Variants in YPEL2 observed in about 807,000 individuals in gnomAD.
YPEL2 encodes the protein protein yippee-like 2.
A neutral mutation model predicts 19.1 loss-of-function variants in YPEL2; 2 were observed. The observed-to-expected ratio is 0.10, with a 90% CI of 0.04 to 0.33. The LOEUF is 0.33. Among genes scored for constraint, YPEL2 ranks in the 10% least tolerant of loss-of-function variants. The pLI, the probability that YPEL2 is intolerant of heterozygous loss-of-function variation, is 1.00. For synonymous variants in YPEL2, 52 were observed against 50.0 expected (o/e 1.04, Z -0.17); for missense variants, 66 against 140.7 (o/e 0.47, Z 2.68).
At chr17:59,368,452 G>A (rs2047881356) in intron 2 of YPEL2, among the ~76,000 whole-genome samples, 1 of 152,220 alleles carries the variant, frequency 6.6e-6, no homozygotes, top group Admixed American at 6.5e-5. Flanking sequence ...ATAAAATGTA[G>A]TGAAACACAG....
At chr17:59,342,594 G>T (rs1195935998) in intron 1 of YPEL2, among the ~76,000 whole-genome samples, 1 of 152,294 alleles carries the variant, frequency 6.6e-6, no homozygotes, top group East Asian at 1.9e-4. Flanking sequence ...CTGGGTCACA[G>T]ATCATGGGAA....
intron 2 of YPEL2, among the ~76,000 whole-genome samples, chr17:59,369,022 AC>A (rs1014309457): frequency 2.6e-5 from 4 of 152,030 alleles, no homozygotes; most frequent in Non-Finnish European, 5.9e-5. Flanking sequence ...GGCAGTCATA[AC>A]TCTAAGAAGA....
chr17:59,332,196 TG>T (rs2147930052), intron 1 of YPEL2, among the ~76,000 whole-genome samples: 1 of 151,716 alleles, frequency 6.6e-6, no homozygotes, highest in Admixed American at 6.5e-5. Flanking sequence ...GTCGTCCCCA[TG>T]GGTTCGGACT....
intron 2 of YPEL2, among the ~76,000 whole-genome samples, chr17:59,381,774 A>G (rs1334328400): frequency 6.6e-6 from 1 of 152,164 alleles, no homozygotes; most frequent in East Asian, 1.9e-4. Context: ...AGGCCTGCAC[A>G]CCAGCCTTGG....
intron 4 of YPEL2, among the ~76,000 whole-genome samples, chr17:59,393,458 A>G (rs1310509434): frequency 1.4e-5 from 2 of 143,650 alleles, no homozygotes; most frequent in Admixed American, 1.4e-4. Flanking sequence ...CATAATAGGA[A>G]ACTCATTTTC....
rs763235835 is a variant in YPEL2, at chr17:59,397,949, C to T, written c.*759C>T. On this transcript the variant is annotated 3_prime_UTR_variant, in exon 5 of 5. Transcript: ENST00000312655. ...GGGCAATCATCATCTTTGCCTCTAG[C>T]CACCGTAGATAAGGTGTGAAGGGAC... 6.6e-6 allele frequency: 1 copy of T among 152,172 alleles called. No individual in the cohort carries two copies. The highest frequency in any genetic ancestry group is 1.5e-5 in the Non-Finnish European group (1 of 68,080). The allele number at this position is 152,172 out of a possible 1,614,324, so 9.4% of individuals were successfully genotyped here. A position where few individuals can be genotyped will look rare whatever the true frequency, so the allele number is the denominator to read the frequency against.
intron 1 of YPEL2, among the ~76,000 whole-genome samples, chr17:59,349,543 C>T (rs914590200): frequency 6.6e-5 from 10 of 151,822 alleles, no homozygotes; most frequent in African/African-American, 2.4e-4. Context: ...AACAGGGTTT[C>T]ACCATGTTGG....
At chr17:59,381,479 A>G (rs1303306126) in intron 2 of YPEL2, among the ~76,000 whole-genome samples, 1 of 152,194 alleles carries the variant, frequency 6.6e-6, no homozygotes, top group African/African-American at 2.4e-5. Context: ...ACCTGTATCT[A>G]TCACCAGGGG....
intron 1 of YPEL2, among the ~76,000 whole-genome samples, chr17:59,334,644 G>A (rs559510720): frequency 6.6e-6 from 1 of 151,426 alleles, no homozygotes; most frequent in South Asian, 2.1e-4. Flanking sequence ...TTCCCTCTTA[G>A]TTATTGTGTC....
intron 2 of YPEL2, among the ~76,000 whole-genome samples, chr17:59,357,067 C>T (rs1004517466): frequency 3.3e-5 from 5 of 152,160 alleles, no homozygotes; most frequent in Non-Finnish European, 2.9e-5. Context: ...GGGCATGCCT[C>T]ACTGGGGAGA....
intron 2 of YPEL2, chr17:59,356,276 A>C (rs1174988863): frequency 6.8e-6 from 1 of 148,090 alleles, no homozygotes; most frequent in African/African-American, 2.5e-5. Context: ...AGGGCCTTTC[A>C]TCTGAAAGCT....
intron 1 of YPEL2, among the ~76,000 whole-genome samples, chr17:59,336,942 C>A (rs1404950787): frequency 6.6e-6 from 1 of 152,208 alleles, no homozygotes; most frequent in Non-Finnish European, 1.5e-5. Flanking sequence ...TTTCTATCTG[C>A]TCCTGTGGCG....
At chr17:59,388,222 C>A in intron 2 of YPEL2, 105 bp from the exon 3 acceptor site, 1 of 1,089,028 alleles carries the variant, frequency 9.2e-7, no homozygotes, top group South Asian at 1.3e-5. Context: ...CTCCCTTTTG[C>A]TGTGTCAGTC....
At chr17:59,377,847 C>G (rs2047929839) in intron 2 of YPEL2, among the ~76,000 whole-genome samples, 2 of 152,194 alleles carry the variant, frequency 1.3e-5, no homozygotes, top group South Asian at 4.1e-4. Context: ...TTTGCAGCTC[C>G]CATTTTAAAT....
intron 1 of YPEL2, chr17:59,345,228 G>C (rs569875599): frequency 6.6e-6 from 1 of 152,290 alleles, no homozygotes; most frequent in African/African-American, 2.4e-5. Context: ...AGATCATGTA[G>C]GATTATCATC....
At chr17:59,364,610 G>GTT (rs1567745126) in intron 2 of YPEL2, among the ~76,000 whole-genome samples, 12 of 133,120 alleles carry the variant, frequency 9.0e-5, no homozygotes, top group African/African-American at 1.5e-4. Flanking sequence ...ATCCCTCTGT[G>GTT]TCTTTTTTTT....
chr17:59,355,678 G>C (rs2047809370), intron 2 of YPEL2: 1 of 152,062 alleles, frequency 6.6e-6, no homozygotes, highest in Non-Finnish European at 1.5e-5. Flanking sequence ...GTCAGAACCT[G>C]ACCCATGGCA....
intron 1 of YPEL2, among the ~76,000 whole-genome samples, chr17:59,341,046 C>T (rs1275817101): frequency 2.0e-5 from 3 of 147,492 alleles, no homozygotes; most frequent in Admixed American, 6.7e-5. Context: ...TTAAGGTGGC[C>T]GGGCGCGGTG....
At chr17:59,391,239 C>T (rs1402843737) in intron 4 of YPEL2, among the ~76,000 whole-genome samples, 2 of 152,080 alleles carry the variant, frequency 1.3e-5, no homozygotes, top group Non-Finnish European at 2.9e-5. Flanking sequence ...TCAAACCTGC[C>T]GCAGAGTGCT....
Sources: allele counts gnomAD v4.1 joint callset (sites outside exome capture counted in the v4.1 genomes callset), GRCh38; gene constraint gnomAD v4.1.1; transcripts MANE v1.5; gene names NCBI Gene and HGNC (gene_info 2026-07-23, HGNC 2026-07-21).